The following SAMD5 variants were observed in gnomAD, a reference collection of about 807,000 sequenced individuals.
SAMD5 encodes the protein sterile alpha motif domain containing 5.
In SAMD5, 13 loss-of-function variants were observed where a neutral mutation model predicts 11.3. The observed-to-expected ratio is 1.15, with a 90% CI of 0.75 to 1.83. SAMD5 has a LOEUF of 1.83. Among genes scored for constraint, SAMD5 ranks in the 40% most tolerant of loss-of-function variants. SAMD5 has a pLI of 0.00. For synonymous variants in SAMD5, 129 were observed against 111.3 expected, an observed-to-expected ratio of 1.16 and a Z score of -1.00; for missense variants, 255 against 239.1, an observed-to-expected ratio of 1.07 and a Z score of -0.44.
Position 147,569,072 on chromosome 6 carries a change from C to CAA in SAMD5, c.*4623_*4624dup, listed in dbSNP as rs34834946. On this transcript the variant is annotated 3_prime_UTR_variant, in exon 2 of 2. Coordinates refer to ENST00000367474, the MANE Select transcript of SAMD5 (RefSeq NM_001030060.3). ...TGAAACCCTGTGTCTACTAAAAATACAAAAAAAATTAGCTGAGTGTGGTGG... is the reference window on the plus strand; with the variant it reads ...TGAAACCCTGTGTCTACTAAAAATACAAAAAAAAAATTAGCTGAGTGTGGTGG... 4 of 183,756 alleles carry CAA rather than the reference C, an allele frequency of 2.2e-5. No individual in the cohort carries two copies. Among genetic ancestry groups the CAA allele is most frequent in the South Asian group, 3.8e-4 (2 of 5,292 alleles). The allele number at this position is 183,756 out of a possible 1,614,324, so 11.4% of individuals were successfully genotyped here.
At chr6:147,935,478 G>A in the SAMD5 span, among the ~76,000 whole-genome samples, 1 of 152,092 alleles carries the variant, frequency 6.6e-6, no homozygotes, top group African/African-American at 2.4e-5. Flanking sequence ...AATAACATAA[G>A]CCAACATATT....
the SAMD5 span, among the ~76,000 whole-genome samples, chr6:147,851,147 T>C: frequency 6.6e-6 from 1 of 152,070 alleles, no homozygotes; most frequent in Admixed American, 6.6e-5. Context: ...TTTCGCCATG[T>C]TGGCCAGGCT....
At chr6:147,515,722 T>G (rs979768800) in intron 1 of SAMD5, among the ~76,000 whole-genome samples, 11 of 152,172 alleles carry the variant, frequency 7.2e-5, no homozygotes, top group African/African-American at 2.4e-4. Context: ...TGCTTGTATG[T>G]GGAGGCCTAA....
intron 1 of SAMD5, among the ~76,000 whole-genome samples, chr6:147,595,136 G>A (rs944496793): frequency 4.6e-5 from 7 of 152,166 alleles, no homozygotes; most frequent in African/African-American, 1.7e-4. Context: ...ATAACGTCTT[G>A]AGAGTTGCTC....
the SAMD5 span, among the ~76,000 whole-genome samples, chr6:147,781,443 A>G: frequency 2.6e-5 from 4 of 152,174 alleles, no homozygotes; most frequent in African/African-American, 9.7e-5. Context: ...ACTTAAATCT[A>G]GGTACATCAT....
chr6:147,929,644 C>A, the SAMD5 span, among the ~76,000 whole-genome samples: 1 of 152,138 alleles, frequency 6.6e-6, no homozygotes, highest in Admixed American at 6.5e-5. Context: ...CAGATGGTCA[C>A]ACTTGTATGT....
chr6:147,693,443 C>G (rs900501485), intron 1 of SAMD5, among the ~76,000 whole-genome samples: 8 of 152,232 alleles, frequency 5.3e-5, no homozygotes, highest in African/African-American at 1.7e-4. Context: ...TGCAGAGCCC[C>G]ACGTCCTGCC....
rs147376088 is a variant in SAMD5 at position 147,664,368 on chromosome 6, A to G, written c.163-72949A>G. Among the ~76,000 whole-genome samples, 226 of 152,280 alleles carry G rather than the reference A, an allele frequency of 1.5e-3. 1 individual carries two copies. Among genetic ancestry groups the G allele is most frequent in the Non-Finnish European group, 2.4e-3 (164 of 68,020 alleles). ...CTCCAGGAGACTAGCAGAGATAAAT[A>G]TACTATAAGCCATCTTCTGAGTGGA... On this transcript the variant is annotated intron_variant, in intron 1 of 1. Coordinates refer to the SAMD5 transcript ENST00000566741.
intron 1 of SAMD5, among the ~76,000 whole-genome samples, chr6:147,550,566 T>A (rs1467666623): frequency 6.6e-6 from 1 of 152,190 alleles, no homozygotes; most frequent in Non-Finnish European, 1.5e-5. Flanking sequence ...GGAATACCAT[T>A]CGGCCATATA....
At chr6:147,531,894 G>A (rs1324281430) in intron 1 of SAMD5, among the ~76,000 whole-genome samples, 1 of 152,110 alleles carries the variant, frequency 6.6e-6, no homozygotes, top group Non-Finnish European at 1.5e-5. Flanking sequence ...TTTTAAAAAG[G>A]AGGAAATAGG....
At chr6:147,595,669 G>A (rs990809304) in intron 1 of SAMD5, among the ~76,000 whole-genome samples, 5 of 151,804 alleles carry the variant, frequency 3.3e-5, no homozygotes, top group African/African-American at 1.2e-4. Context: ...TGGGACTACA[G>A]GTGCCCACCA....
At chr6:147,816,301 A>AAAAAAAAAAAAAAAAAATATATAT in the SAMD5 span, among the ~76,000 whole-genome samples, 1 of 66,354 alleles carries the variant, frequency 1.5e-5, no homozygotes, top group African/African-American at 1.0e-4. Context: ...AAAAAAAAAA[A>AAAAAAAAAAAAAAAAAATATATAT]ATATATATAT....
chr6:147,909,625 T>TTTC, the SAMD5 span, among the ~76,000 whole-genome samples: 19 of 64,640 alleles, frequency 2.9e-4, 1 homozygote, highest in Middle Eastern at 5.4e-3. Flanking sequence ...TCTTTCTTTC[T>TTTC]TTCTTTCTCT....
chr6:147,703,959 A>G lies in SAMD5; in HGVS notation c.163-33358A>G, dbSNP rs377443522. Among the ~76,000 whole-genome samples, 60 of 152,268 alleles carry G rather than the reference A, an allele frequency of 3.9e-4. No homozygotes were observed. In the East Asian group the frequency reaches 8.9e-3, roughly 23 times the overall value. The stretch of plus-strand genomic sequence containing the variant: ...CGCCCAGGCTGGAGTGCAGTGGCAC[A>G]ATCTTGGCTCACTGCAAGCTCCACC... On this transcript the variant is annotated intron_variant, in intron 1 of 1. Coordinates refer to the SAMD5 transcript ENST00000566741.
At chr6:147,691,169 T>C (rs1425986569) in intron 1 of SAMD5, among the ~76,000 whole-genome samples, 2 of 152,138 alleles carry the variant, frequency 1.3e-5, no homozygotes, top group Non-Finnish European at 2.9e-5. Context: ...TGATTTTGTA[T>C]TTTTAGTAGA....
At chr6:147,874,316 C>T in the SAMD5 span, among the ~76,000 whole-genome samples, 1 of 152,144 alleles carries the variant, frequency 6.6e-6, no homozygotes, top group Non-Finnish European at 1.5e-5. Context: ...CTAGCTCTCT[C>T]GGGTAAAGGA....
chr6:147,567,855 T>A lies in SAMD5; in HGVS notation c.*3399T>A. 6.1e-6 allele frequency: 6 copies of A among 985,304 alleles called. No homozygotes were observed. Among genetic ancestry groups the A allele is most frequent in the Non-Finnish European group, 7.2e-6 (6 of 829,910 alleles). 61.0% of individuals were successfully genotyped at this position (985,304 alleles called of 1,614,324 possible). Reference sequence around the variant, plus strand: ...GTTCAGTAAATGTTTATTGATTGAATGAAAAGAATTTGATTTAAGGAAACA... The same window carrying A: ...GTTCAGTAAATGTTTATTGATTGAAAGAAAAGAATTTGATTTAAGGAAACA... On this transcript the variant is annotated 3_prime_UTR_variant, in exon 2 of 2. Coordinates refer to ENST00000367474, the MANE Select transcript of SAMD5 (RefSeq NM_001030060.3).
chr6:147,569,264 T>C lies in SAMD5; in HGVS notation c.*4808T>C. 2.8e-6 allele frequency: 1 copy of C among 351,786 alleles called. No individual in the cohort carries two copies. The highest frequency in any genetic ancestry group is 4.0e-6 in the Non-Finnish European group (1 of 252,686). 21.8% of individuals were successfully genotyped at this position (351,786 alleles called of 1,614,324 possible). On this transcript the variant is annotated 3_prime_UTR_variant, in exon 2 of 2. Coordinates refer to ENST00000367474, the MANE Select transcript of SAMD5 (RefSeq NM_001030060.3). ...AAGAAAAAAGAAAAATTGAAGAACA[T>C]AACTTTTCTACTTATGAAATAGATA...
At chr6:147,636,810 C>A (rs776305814) in intron 1 of SAMD5, among the ~76,000 whole-genome samples, 2 of 152,182 alleles carry the variant, frequency 1.3e-5, no homozygotes, top group Non-Finnish European at 2.9e-5. Flanking sequence ...GATGAACAAC[C>A]CTGAGACCCA....
Sources: allele counts gnomAD v4.1 joint callset (sites outside exome capture counted in the v4.1 genomes callset), GRCh38; gene constraint gnomAD v4.1.1; transcripts MANE v1.5; gene names NCBI Gene and HGNC (gene_info 2026-07-23, HGNC 2026-07-21).